Variants in PHLDB2 observed in about 807,000 individuals in gnomAD.
PHLDB2 encodes the protein pleckstrin homology-like domain family B member 2.
PHLDB2 carries 71 observed loss-of-function variants against 123.6 expected under a neutral mutation model. The observed-to-expected ratio is 0.57, with a 90% confidence interval of 0.47 to 0.70. The LOEUF is 0.70. Among genes scored for constraint, PHLDB2 ranks in the 30% least tolerant of loss-of-function variants. PHLDB2 has a pLI of 0.00. For synonymous variants in PHLDB2, 547 were observed against 541.6 expected, an observed-to-expected ratio of 1.01 and a Z score of -0.14; for missense variants, 1,446 against 1,519.5, an observed-to-expected ratio of 0.95 and a Z score of 0.80.
At chr3:111,803,122 T>C (rs1012341331) in intron 1 of PHLDB2, among the ~76,000 whole-genome samples, 2 of 152,230 alleles carry the variant, frequency 1.3e-5, no homozygotes, top group South Asian at 2.1e-4. Context: ...CTCTCTAATT[T>C]TGAAATCAGC....
At position 111,859,576 on chromosome 3, in the gene PHLDB2, G is replaced by A. The variant is rs1443412500; in HGVS notation, c.-15G>A. 4 of 985,494 alleles carry A rather than the reference G, an allele frequency of 4.1e-6. No individual in the cohort carries two copies. The highest frequency in any genetic ancestry group is 3.6e-6 in the Non-Finnish European group (3 of 830,054). The allele number at this position is 985,494 out of a possible 1,614,324, so 61.0% of individuals were successfully genotyped here. A position where few individuals can be genotyped will look rare whatever the true frequency, so the allele number is the denominator to read the frequency against. On this transcript the variant is annotated splice_region_variant and 5_prime_UTR_variant, in exon 1 of 18. Coordinates refer to ENST00000431670, the MANE Select transcript of PHLDB2 (RefSeq NM_001134438.2). ...CGGGAACGGGCTGCACCAATGGCCA[G>A]GTGAGGAGGCGGCGGTGGTCGCCCG... is the stretch of plus-strand genomic sequence containing the variant.
intron 2 of PHLDB2, among the ~76,000 whole-genome samples, chr3:111,906,212 C>T (rs1441855689): frequency 6.6e-6 from 1 of 152,188 alleles, no homozygotes. Context: ...TAAGTACACC[C>T]TGATGTTTGC....
At chr3:111,761,904 G>T (rs2060002141) in intron 1 of PHLDB2, among the ~76,000 whole-genome samples, 1 of 151,990 alleles carries the variant, frequency 6.6e-6, no homozygotes. Flanking sequence ...TATTTAATGT[G>T]TATACATAAG....
chr3:111,783,715 C>G (rs147228769), intron 1 of PHLDB2, among the ~76,000 whole-genome samples: 1 of 152,058 alleles, frequency 6.6e-6, no homozygotes, highest in Admixed American at 6.6e-5. Context: ...CTGTTGATCA[C>G]TAGCAAAATT....
intron 1 of PHLDB2, among the ~76,000 whole-genome samples, chr3:111,813,356 T>A (rs1306852135): frequency 1.3e-5 from 2 of 152,156 alleles, no homozygotes; most frequent in Non-Finnish European, 2.9e-5. Flanking sequence ...ATATTTTTTT[T>A]AAAAGGGAAA....
rs1347659751 is a variant in PHLDB2 at position 111,756,335 on chromosome 3, CT to C, written c.-49+23633del. ...AGGACTTGCTTTATGAATCTGGGTG[CT>C]CCTGTATTGGGTGCATATATATTTA... On this transcript the variant is annotated intron_variant, in intron 1 of 17. Transcript: ENST00000393923. Among the ~76,000 whole-genome samples, 12 of 152,140 alleles carry C rather than the reference CT, an allele frequency of 7.9e-5. 1 individual carries two copies. Among genetic ancestry groups the C allele is most frequent in the African/African-American group, 2.9e-4 (12 of 41,502 alleles).
intron 1 of PHLDB2, among the ~76,000 whole-genome samples, chr3:111,877,857 G>T (rs1280697499): frequency 6.6e-6 from 1 of 151,786 alleles, no homozygotes; most frequent in Non-Finnish European, 1.5e-5. Context: ...TGTCAAGTTT[G>T]TCAAAGATCA....
At position 111,939,673 on chromosome 3, in the gene PHLDB2, A is replaced by G. The variant is rs770902237; in HGVS notation, c.2286+43A>G. On this transcript the variant is annotated intron_variant, in intron 7 of 17. Coordinates refer to ENST00000431670, the MANE Select transcript of PHLDB2 (RefSeq NM_001134438.2). ...CATTCAATGTGAAAAATCAAAATAT[A>G]TTTCTGCTTAACATAGCTATGACAT... 10 of 1,562,462 alleles carry G rather than the reference A, an allele frequency of 6.4e-6. No homozygotes were observed. In the East Asian group the frequency reaches 1.8e-4, roughly 28 times the overall value.
intron 2 of PHLDB2, among the ~76,000 whole-genome samples, chr3:111,896,765 A>G (rs2066897452): frequency 6.6e-6 from 1 of 152,094 alleles, no homozygotes; most frequent in Admixed American, 6.5e-5. Context: ...TCAAAAAAAA[A>G]AAAAAATCCA....
intron 13 of PHLDB2, among the ~76,000 whole-genome samples, chr3:111,963,606 C>T (rs1017210222): frequency 6.6e-6 from 1 of 152,074 alleles, no homozygotes; most frequent in African/African-American, 2.4e-5. Context: ...AGTGATGTCT[C>T]AACAAAAAGT....
chr3:111,819,728 T>C (rs1353190024), intron 1 of PHLDB2, among the ~76,000 whole-genome samples: 1 of 152,154 alleles, frequency 6.6e-6, no homozygotes, highest in Non-Finnish European at 1.5e-5. Flanking sequence ...CCAGTGTCGT[T>C]TGTCCTTCAG....
chr3:111,805,742 C>T (rs2061553321), intron 1 of PHLDB2, among the ~76,000 whole-genome samples: 1 of 147,194 alleles, frequency 6.8e-6, no homozygotes. Flanking sequence ...GTGCCTGGGG[C>T]CAGGGGTGGT....
chr3:111,910,702 G>A (rs1188181181), intron 2 of PHLDB2, among the ~76,000 whole-genome samples: 1 of 152,236 alleles, frequency 6.6e-6, no homozygotes, highest in Non-Finnish European at 1.5e-5. Context: ...GAAGACTCCA[G>A]AGTGCAGAAG....
intron 1 of PHLDB2, among the ~76,000 whole-genome samples, chr3:111,826,032 T>C (rs1576757474): frequency 6.6e-6 from 1 of 152,094 alleles, no homozygotes; most frequent in African/African-American, 2.4e-5. Context: ...CCGAGCATGG[T>C]GGCTCATGCT....
At chr3:111,970,585 G>C (rs184015117) in intron 16 of PHLDB2, among the ~76,000 whole-genome samples, 2 of 152,164 alleles carry the variant, frequency 1.3e-5, no homozygotes. Context: ...TTAAATGTTG[G>C]CTGACAAGAA....
intron 13 of PHLDB2, among the ~76,000 whole-genome samples, chr3:111,965,534 A>G (rs187641126): frequency 2.2e-3 from 328 of 152,342 alleles, no homozygotes; most frequent in Admixed American, 4.2e-3. Flanking sequence ...TCATTTTTAT[A>G]TGAATTTTTA....
intron 1 of PHLDB2, among the ~76,000 whole-genome samples, chr3:111,830,981 GAAA>G (rs1197746672): frequency 1.8e-4 from 9 of 49,990 alleles, no homozygotes; most frequent in Non-Finnish European, 2.9e-4. Flanking sequence ...AAGAAAGAAA[GAAA>G]GAAAGAAAGA....
intron 13 of PHLDB2, among the ~76,000 whole-genome samples, chr3:111,964,334 G>A (rs2071609652): frequency 4.6e-5 from 7 of 151,942 alleles, no homozygotes; most frequent in Admixed American, 4.6e-4. Flanking sequence ...TGATAAATGT[G>A]TTGGTATTAT....
chr3:111,736,348 G>A (rs1221730776), intron 1 of PHLDB2, among the ~76,000 whole-genome samples: 1 of 152,078 alleles, frequency 6.6e-6, no homozygotes, highest in East Asian at 1.9e-4. Flanking sequence ...TGAAATTTCA[G>A]TCTTTGAAAT....
Sources: gnomAD v4.1 joint callset for allele counts (sites outside exome capture counted in the v4.1 genomes callset) on GRCh38, gnomAD v4.1.1 for gene constraint, MANE v1.5 for transcripts, NCBI Gene and HGNC (gene_info 2026-07-23, HGNC 2026-07-21) for gene names.